MYBPC1: variants seen among roughly 807,000 people sequenced by gnomAD.
MYBPC1 encodes myosin-binding protein C, slow-type.
A neutral mutation model predicts 147.1 loss-of-function variants in MYBPC1; 52 were observed. The observed-to-expected ratio is 0.35, with a 90% CI of 0.28 to 0.45. MYBPC1 has a LOEUF of 0.45. MYBPC1 is among the 20% of genes least tolerant of loss of function. The probability of loss-of-function intolerance (pLI) is 1.00; values close to 1 mark genes in which losing one functional copy is unlikely to be tolerated. For synonymous variants in MYBPC1, 477 were observed against 475.9 expected (o/e 1.00, Z -0.03); for missense variants, 1,228 against 1,440.3 (o/e 0.85, Z 2.39).
At chr12:101,694,513 G>A in the MYBPC1 span, among the ~76,000 whole-genome samples, 1 of 152,146 alleles carries the variant, frequency 6.6e-6, no homozygotes, top group Non-Finnish European at 1.5e-5. Flanking sequence ...CCTTCATGAT[G>A]GGATTAGTGC....
chr12:101,684,349 T>TTCTCTC (rs760434872), intron 30 of MYBPC1, 33 bp from the exon 31 acceptor site: 2 of 1,524,656 alleles, frequency 1.3e-6, no homozygotes, highest in Non-Finnish European at 1.8e-6. Flanking sequence ...TGCTTACGAC[T>TTCTCTC]TCTCTCTCTC....
At chr12:101,613,310 G>C (rs1454748490) in intron 1 of MYBPC1, among the ~76,000 whole-genome samples, 1 of 152,186 alleles carries the variant, frequency 6.6e-6, no homozygotes, top group Non-Finnish European at 1.5e-5. Flanking sequence ...CAGCCAAACT[G>C]CTTGTTATGG....
At chr12:101,603,212 C>T (rs1385534700) in intron 1 of MYBPC1, among the ~76,000 whole-genome samples, 4 of 151,978 alleles carry the variant, frequency 2.6e-5, no homozygotes, top group Admixed American at 6.6e-5. Context: ...GGCATGGTGG[C>T]GCATGCCTGT....
intron 10 of MYBPC1, 115 bp downstream of exon 10, chr12:101,636,843 G>C: frequency 3.5e-6 from 3 of 858,634 alleles, no homozygotes; most frequent in Non-Finnish European, 5.8e-6. Flanking sequence ...TTCTGAAAAT[G>C]TGTTTTGCTT....
intron 10 of MYBPC1, among the ~76,000 whole-genome samples, chr12:101,637,547 A>G (rs924947930): frequency 6.6e-6 from 1 of 152,138 alleles, no homozygotes; most frequent in Admixed American, 6.5e-5. Context: ...TTCTGAGATT[A>G]TGTTTTATCT....
intron 16 of MYBPC1, among the ~76,000 whole-genome samples, chr12:101,651,962 G>A (rs1221270645): frequency 6.6e-6 from 1 of 152,104 alleles, no homozygotes; most frequent in Non-Finnish European, 1.5e-5. Flanking sequence ...CATGAAGTTA[G>A]AGGAAAAATA....
chr12:101,692,946 A>G, the MYBPC1 span, among the ~76,000 whole-genome samples: 8 of 106,070 alleles, frequency 7.5e-5, no homozygotes, highest in South Asian at 2.4e-3. Context: ...TATTACCTTC[A>G]CTTTTTTTTT....
At chr12:101,660,538 C>T (rs188122311) in intron 19 of MYBPC1, 3 of 161,004 alleles carry the variant, frequency 1.9e-5, no homozygotes, top group Non-Finnish European at 4.1e-5. Flanking sequence ...AATGTTGGGA[C>T]ACGGGTTTAA....
intron 8 of MYBPC1, among the ~76,000 whole-genome samples, chr12:101,632,910 T>C (rs1296945045): frequency 2.6e-5 from 4 of 152,088 alleles, no homozygotes; most frequent in Admixed American, 2.6e-4. Flanking sequence ...TGCTGGGGTA[T>C]TTTTAGAAGA....
chr12:101,647,868 C>G (rs891695467), intron 13 of MYBPC1, among the ~76,000 whole-genome samples, 177 bp from the exon 14 acceptor site: 2 of 152,186 alleles, frequency 1.3e-5, no homozygotes, highest in African/African-American at 4.8e-5. Flanking sequence ...GCCTGGACAG[C>G]AGAGTGAGAC....
chr12:101,642,363 G>A (rs1892224064), intron 10 of MYBPC1, 56 bp from the exon 11 acceptor site: 3 of 1,578,036 alleles, frequency 1.9e-6, no homozygotes, highest in Non-Finnish European at 1.7e-6. Flanking sequence ...CTCGACCTTC[G>A]TGGTCTCTAA....
intron 4 of MYBPC1, among the ~76,000 whole-genome samples, chr12:101,627,353 G>A (rs757969177): frequency 2.6e-5 from 4 of 151,856 alleles, no homozygotes; most frequent in Non-Finnish European, 4.4e-5. Context: ...AGTGATTCTC[G>A]TGCCTCAGCC....
chr12:101,618,854 CGTGTGTGTGTGTGTGTGTGTGTGTGTGT>C (rs35811344), intron 3 of MYBPC1, among the ~76,000 whole-genome samples: 1 of 136,798 alleles, frequency 7.3e-6, no homozygotes, highest in Non-Finnish European at 1.6e-5. Flanking sequence ...CAAAAACTGC[CGTGTGTGTGTGTGTGTGTGTGTGTGTGT>C]GTGTGTGTGT....
chr12:101,614,678 G>T (rs1292300485), intron 2 of MYBPC1, 147 bp downstream of exon 2: 3 of 792,966 alleles, frequency 3.8e-6, no homozygotes, highest in Non-Finnish European at 6.5e-6. Context: ...GTGATAAGTT[G>T]AGAATAATAA....
chr12:101,614,578 G>C, intron 2 of MYBPC1, 47 bp downstream of exon 2: 1 of 1,601,610 alleles, frequency 6.2e-7, no homozygotes, highest in East Asian at 2.3e-5. Flanking sequence ...CAAATACAGA[G>C]GGTCCATCCC....
At chr12:101,687,201 C>T (rs1430490815), downstream of MYBPC1, among the ~76,000 whole-genome samples, 1 of 151,930 alleles carries the variant, frequency 6.6e-6, no homozygotes, top group Non-Finnish European at 1.5e-5. Context: ...TTAGGTATAT[C>T]GCCTAATGCT....
At chr12:101,649,894 T>C (rs922526238) in intron 15 of MYBPC1, among the ~76,000 whole-genome samples, 1 of 152,236 alleles carries the variant, frequency 6.6e-6, no homozygotes, top group African/African-American at 2.4e-5. Flanking sequence ...CTTCCCTCAA[T>C]GCCCTCTACT....
chr12:101,647,646 G>C (rs1244157809), intron 13 of MYBPC1, among the ~76,000 whole-genome samples: 3 of 152,116 alleles, frequency 2.0e-5, no homozygotes, highest in Admixed American at 6.6e-5. Flanking sequence ...CCAGCACTTT[G>C]GGAGGCCAAG....
chr12:101,658,818 C>T (rs1425114608), intron 18 of MYBPC1, among the ~76,000 whole-genome samples: 1 of 152,170 alleles, frequency 6.6e-6, no homozygotes, highest in Non-Finnish European at 1.5e-5. Flanking sequence ...TGATCACAAT[C>T]TCAGGTTATT....
Sources: gnomAD v4.1 joint callset for allele counts (sites outside exome capture counted in the v4.1 genomes callset) on GRCh38, gnomAD v4.1.1 for gene constraint, MANE v1.5 for transcripts, NCBI Gene and HGNC (gene_info 2026-07-23, HGNC 2026-07-21) for gene names.